RTN4RL1: variants seen among roughly 807,000 people sequenced by gnomAD.
RTN4RL1 encodes the protein reticulon 4 receptor like 1, also known as reticulon-4 receptor-like 1.
RTN4RL1 carries 7 observed loss-of-function variants against 25.6 expected under a neutral mutation model. That is an observed-to-expected ratio of 0.27 (90% CI 0.16 to 0.51). The LOEUF (loss-of-function observed/expected upper bound fraction) is 0.51, where lower values mean the gene tolerates loss of function less well. Among genes scored for constraint, RTN4RL1 ranks in the 20% least tolerant of loss-of-function variants. RTN4RL1 has a pLI of 0.97. For missense variants in RTN4RL1, 500 were observed against 615.6 expected, an observed-to-expected ratio of 0.81 and a Z score of 1.99; for synonymous variants, 297 against 288.2, an observed-to-expected ratio of 1.03 and a Z score of -0.31.
intron 1 of RTN4RL1, among the ~76,000 whole-genome samples, chr17:1,990,543 A>G (rs1262703123): frequency 1.3e-5 from 2 of 152,142 alleles, no homozygotes; most frequent in Non-Finnish European, 2.9e-5. Context: ...TCTACAAAAC[A>G]TAAAAAATAT....
At chr17:1,955,000 C>T (rs189448528) in intron 1 of RTN4RL1, among the ~76,000 whole-genome samples, 29 of 152,320 alleles carry the variant, frequency 1.9e-4, no homozygotes, top group African/African-American at 6.7e-4. Flanking sequence ...TTTCTCCTCA[C>T]TGGCTGCTTG....
At chr17:1,950,448 G>A (rs1435060959) in intron 1 of RTN4RL1, among the ~76,000 whole-genome samples, 2 of 152,190 alleles carry the variant, frequency 1.3e-5, no homozygotes, top group African/African-American at 2.4e-5. Flanking sequence ...TAACGTCCGA[G>A]AAGCCTTAGA....
chr17:1,939,171 C>G (rs375074871), intron 1 of RTN4RL1, among the ~76,000 whole-genome samples: 3 of 151,330 alleles, frequency 2.0e-5, no homozygotes, highest in African/African-American at 7.3e-5. Flanking sequence ...GCTAACACGG[C>G]GAAACCCCGT....
intron 1 of RTN4RL1, among the ~76,000 whole-genome samples, chr17:2,002,308 T>C (rs1198535210): frequency 2.0e-5 from 3 of 151,294 alleles, no homozygotes; most frequent in Non-Finnish European, 4.4e-5. Flanking sequence ...TAATTTTTTT[T>C]TTGAGACGGA....
intron 1 of RTN4RL1, among the ~76,000 whole-genome samples, chr17:1,960,806 G>A (rs1267672014): frequency 6.6e-6 from 1 of 151,980 alleles, no homozygotes; most frequent in East Asian, 1.9e-4. Flanking sequence ...ATCATAGCAC[G>A]TTGGCCTCGG....
At chr17:1,975,415 C>A (rs574717042) in intron 1 of RTN4RL1, among the ~76,000 whole-genome samples, 1 of 152,172 alleles carries the variant, frequency 6.6e-6, no homozygotes, top group African/African-American at 2.4e-5. Context: ...TTTTGAGAGA[C>A]CGAGGTGGGT....
chr17:1,977,130 GT>G (rs2066845723), intron 1 of RTN4RL1, among the ~76,000 whole-genome samples: 1 of 152,226 alleles, frequency 6.6e-6, no homozygotes, highest in South Asian at 2.1e-4. Context: ...GCCGTATCCA[GT>G]TTCCTTTTAA....
intron 1 of RTN4RL1, among the ~76,000 whole-genome samples, chr17:2,007,333 C>CA (rs58080832): frequency 0.06 from 6,972 of 116,318 alleles, 214 homozygotes; most frequent in African/African-American, 0.1. Context: ...ATGTTCACAG[C>CA]CCCAACACAC....
Position 1,957,628 on chromosome 17 carries a change from G to A in RTN4RL1, c.14-19820C>T, listed in dbSNP as rs1168500405. On this transcript the variant is annotated intron_variant, in intron 1 of 1. Transcript: ENST00000331238. ...GGCTGAGGCGGGTGGATCACCTGAGGTCAGGAGATTGACACCAGCGTGGCC... is the reference window on the plus strand; with the variant it reads ...GGCTGAGGCGGGTGGATCACCTGAGATCAGGAGATTGACACCAGCGTGGCC... Among the ~76,000 whole-genome samples the A allele has an allele frequency of 3.3e-5, 5 of 150,560 alleles. No individual in the cohort carries two copies. The East Asian group carries it at 5.9e-4, about 18-fold the overall frequency.
intron 1 of RTN4RL1, among the ~76,000 whole-genome samples, chr17:2,001,254 T>G (rs1337762609): frequency 4.0e-5 from 6 of 150,330 alleles, no homozygotes; most frequent in Non-Finnish European, 7.4e-5. Flanking sequence ...ATCCTCTGGG[T>G]TTTTTTTTGA....
intron 1 of RTN4RL1, among the ~76,000 whole-genome samples, chr17:2,008,863 A>G (rs1302869366): frequency 6.6e-6 from 1 of 152,056 alleles, no homozygotes; most frequent in Non-Finnish European, 1.5e-5. Context: ...CCCTGGCTTG[A>G]AAGTGCCTTC....
Position 1,935,826 on chromosome 17 carries a change from C to T in RTN4RL1, c.*670G>A, listed in dbSNP as rs918287809. Reference sequence around the variant, plus strand: ...CACCTTCTGTGAGAACCTCATTGCCCGGGATGAAGTTCTAGATTTCAGCCT... The same window carrying T: ...CACCTTCTGTGAGAACCTCATTGCCTGGGATGAAGTTCTAGATTTCAGCCT... On this transcript the variant is annotated 3_prime_UTR_variant, in exon 2 of 2. Transcript: ENST00000331238. The T allele has an allele frequency of 1.6e-5, 16 of 983,124 alleles. No homozygotes were observed. Among genetic ancestry groups the T allele is most frequent in the Non-Finnish European group, 1.8e-5 (15 of 829,288 alleles). The allele number at this position is 983,124 out of a possible 1,614,324, so 60.9% of individuals were successfully genotyped here.
At chr17:1,964,517 G>A (rs566553390) in intron 1 of RTN4RL1, among the ~76,000 whole-genome samples, 5 of 152,206 alleles carry the variant, frequency 3.3e-5, no homozygotes, top group Admixed American at 3.3e-4. Context: ...TGGATCATGA[G>A]GTCAGGAGAT....
In RTN4RL1 at chr17:1,937,731, A is replaced by C; in HGVS notation, c.91T>G (p.Cys31Gly). The C allele has an allele frequency of 1.2e-6, 2 of 1,610,554 alleles. No individual in the cohort carries two copies. Among genetic ancestry groups the C allele is most frequent in the Non-Finnish European group, 1.7e-6 (2 of 1,179,736 alleles). ...CTGACCGTCATGGGCGCCGGGTAGC[A>C]CACACAGTCCCGTGGGCAGCCACCA... The part of the protein sequence containing the change: ...LGGGCPRDCV[C>G]YPAPMTVSCQ... The change falls in exon 2 of 2, where the codon TGC (cysteine) becomes GGC (glycine). Residue 31 changes from cysteine to glycine, a missense_variant. Around this residue, in one of 2 missense-constraint regions of RTN4RL1, gnomAD observed 232 missense variants for 341.1 expected, o/e 0.68. Transcript: ENST00000331238.
chr17:1,995,357 C>G (rs551999076), intron 1 of RTN4RL1, among the ~76,000 whole-genome samples: 1 of 146,212 alleles, frequency 6.8e-6, no homozygotes, highest in Non-Finnish European at 1.5e-5. Flanking sequence ...ACTCGGGAGG[C>G]GGAGGTTGCA....
chr17:1,987,161 A>G (rs1228132148), intron 1 of RTN4RL1, among the ~76,000 whole-genome samples: 2 of 151,772 alleles, frequency 1.3e-5, no homozygotes, highest in African/African-American at 2.4e-5. Flanking sequence ...TAGCCACAGA[A>G]CCCTGCTTTT....
intron 1 of RTN4RL1, among the ~76,000 whole-genome samples, chr17:2,024,397 GCGCGCGGGGAGCGCCCGGGC>G (rs1326079876): frequency 6.6e-6 from 1 of 152,200 alleles, no homozygotes; most frequent in Non-Finnish European, 1.5e-5. Context: ...GGGAGCTAGG[GCGCGCGGGGAGCGCCCGGGC>G]CGCGCGGTCA....
intron 1 of RTN4RL1, among the ~76,000 whole-genome samples, chr17:1,971,953 C>T (rs1342659338): frequency 7.1e-5 from 5 of 70,352 alleles, no homozygotes; most frequent in South Asian, 7.5e-4. Context: ...CAGAGCCAGA[C>T]TCCCTCTCAA....
At chr17:1,952,653 C>G (rs751642902) in intron 1 of RTN4RL1, among the ~76,000 whole-genome samples, 2 of 151,748 alleles carry the variant, frequency 1.3e-5, no homozygotes, top group East Asian at 2.0e-4. Context: ...TCTCCTCCCC[C>G]ATTTTCATTC....
Sources: allele counts gnomAD v4.1 joint callset (sites outside exome capture counted in the v4.1 genomes callset), GRCh38; gene constraint gnomAD v4.1.1; regional missense constraint gnomAD v4.1.1; transcripts MANE v1.5; gene names NCBI Gene and HGNC (gene_info 2026-07-23, HGNC 2026-07-21).